CRTC1: variants seen among roughly 807,000 people sequenced by gnomAD.
CRTC1 encodes CREB regulated transcription coactivator 1, also known as CREB-regulated transcription coactivator 1.
Under a neutral mutation model 66.1 loss-of-function variants are expected in CRTC1, and 18 were observed. That is an observed-to-expected ratio of 0.27 (90% CI 0.19 to 0.40). CRTC1 has a LOEUF of 0.40. CRTC1 is among the 10% of genes least tolerant of loss of function. The pLI, the probability that CRTC1 is intolerant of heterozygous loss-of-function variation, is 1.00. For missense variants in CRTC1, 669 were observed against 887.9 expected (o/e 0.75, Z 3.13); for synonymous variants, 416 against 398.8 (o/e 1.04, Z -0.51).
At chr19:18,740,521 C>CAG (rs2054089044) in intron 1 of CRTC1, among the ~76,000 whole-genome samples, 1 of 152,182 alleles carries the variant, frequency 6.6e-6, no homozygotes, top group Admixed American at 6.5e-5. Flanking sequence ...CCTAAAACCA[C>CAG]AGTGTGAGCA....
chr19:18,717,177 T>C (rs1201204970), intron 1 of CRTC1, among the ~76,000 whole-genome samples: 5 of 151,986 alleles, frequency 3.3e-5, no homozygotes, highest in African/African-American at 1.2e-4. Context: ...AGACATGAGT[T>C]TGGGGAGCTT....
intron 1 of CRTC1, among the ~76,000 whole-genome samples, chr19:18,708,072 T>C (rs1295951815): frequency 6.6e-6 from 1 of 151,984 alleles, no homozygotes; most frequent in Non-Finnish European, 1.5e-5. Context: ...AGTGGGACAT[T>C]AGGGGTGAGG....
chr19:18,765,965 AAAAAG>A (rs990194246), intron 9 of CRTC1, among the ~76,000 whole-genome samples: 2 of 152,022 alleles, frequency 1.3e-5, no homozygotes, highest in Non-Finnish European at 1.5e-5. Context: ...TGTTTCAAAA[AAAAAG>A]AAAAAACTCA....
At position 18,779,076 on chromosome 19, in the gene CRTC1, G is replaced by C. The variant is rs1266741931; in HGVS notation, c.*1694G>C. The C allele has an allele frequency of 4.3e-6, 1 of 232,692 alleles. No individual in the cohort carries two copies. The highest frequency in any genetic ancestry group is 8.5e-6 in the Non-Finnish European group (1 of 117,702). The allele number at this position is 232,692 out of a possible 1,614,324, so 14.4% of individuals were successfully genotyped here. On this transcript the variant is annotated 3_prime_UTR_variant, in exon 14 of 14. Transcript: ENST00000321949. ...ATCAGGGCTGGCTTTGTTTTCTGCT[G>C]TTCTTGGAATAGGAACTGCTGTTCT... is the stretch of plus-strand genomic sequence containing the variant.
Position 18,760,020 on chromosome 19 carries a change from T to C in CRTC1, c.678T>C (p.Ser226=). The part of the protein sequence containing the change: ...CEVPGINIFP[S]ADQENTTALI... ...GGCCTTTTCCCAGCATCTTCCCGTC[T>C]GCCGACCAGGAAAACACTACAGCCC... The change falls in exon 8 of 14, where the codon TCT becomes TCC. Residue 226 remains serine, a synonymous_variant. Coordinates refer to ENST00000321949, the MANE Select transcript of CRTC1 (RefSeq NM_015321.3). The surrounding 1 kb of genome is among the most constrained non-coding windows in gnomAD (Gnocchi z 6.2). The C allele has an allele frequency of 6.3e-7, 1 of 1,587,338 alleles. No individual in the cohort carries two copies. Among genetic ancestry groups the C allele is most frequent in the Non-Finnish European group, 8.6e-7 (1 of 1,159,296 alleles).
In CRTC1 at chr19:18,711,066, A is replaced by G. The variant is rs141417510; in HGVS notation, c.126+27238A>G. Among the ~76,000 whole-genome samples, 727 of 152,268 alleles carry G rather than the reference A, an allele frequency of 4.8e-3. 8 individuals carry two copies. Among genetic ancestry groups the G allele is most frequent in the African/African-American group, 0.017 (689 of 41,556 alleles). On this transcript the variant is annotated intron_variant, in intron 1 of 13. Transcript: ENST00000321949. ...CTGTGGCCAGGGCTGCTAACAGTTA[A>G]CTGCTGGATGAGCTGCAGTAAATTT...
chr19:18,706,148 T>C (rs2053258117), intron 1 of CRTC1, among the ~76,000 whole-genome samples: 1 of 144,484 alleles, frequency 6.9e-6, no homozygotes, highest in Admixed American at 7.2e-5. Context: ...TATGTGACAG[T>C]TTATTTCTGG....
At chr19:18,693,074 CAAAAAAAAA>C (rs71168762) in intron 1 of CRTC1, among the ~76,000 whole-genome samples, 1 of 69,374 alleles carries the variant, frequency 1.4e-5, no homozygotes, top group Non-Finnish European at 2.6e-5. Context: ...GACTCCGTCT[CAAAAAAAAA>C]AAAAAAAAAA....
intron 1 of CRTC1, among the ~76,000 whole-genome samples, chr19:18,722,813 C>T (rs1173691748): frequency 1.3e-5 from 2 of 152,190 alleles, no homozygotes; most frequent in Non-Finnish European, 2.9e-5. Context: ...TAATCTGTCT[C>T]TGTGGCTTTG....
At chr19:18,752,571 G>T (rs1016712410) in intron 5 of CRTC1, among the ~76,000 whole-genome samples, 2 of 151,876 alleles carry the variant, frequency 1.3e-5, no homozygotes, top group African/African-American at 4.8e-5. Context: ...TGCCTGCCTC[G>T]GCCTCCCAAA....
chr19:18,779,317 G>A lies in CRTC1; in HGVS notation c.*1935G>A. 4.4e-6 allele frequency: 1 copy of A among 227,770 alleles called. No individual in the cohort carries two copies. The highest frequency in any genetic ancestry group is 8.7e-6 in the Non-Finnish European group (1 of 114,718). The allele number at this position is 227,770 out of a possible 1,614,324, so 14.1% of individuals were successfully genotyped here. ...TGGCATGTGTCTGAGCAGCCAAGTG[G>A]CCACTCATAGGAGAAGGCTCCCTGG... On this transcript the variant is annotated 3_prime_UTR_variant, in exon 14 of 14. Coordinates refer to ENST00000321949, the MANE Select transcript of CRTC1 (RefSeq NM_015321.3).
chr19:18,743,017 G>T lies in CRTC1; in HGVS notation c.234G>T (p.Leu78=), dbSNP rs772517937. 4.3e-6 allele frequency: 7 copies of T among 1,612,106 alleles called. No individual in the cohort carries two copies. The highest frequency in any genetic ancestry group is 5.9e-6 in the Non-Finnish European group (7 of 1,178,952). ...AGATCGGGAGTGGCACCATGGACCT[G>T]CCCTTCCAGGTGAGTGCCCCGCCCC... ...VNQIGSGTMD[L]PFQTPFQSSG... is the part of the protein sequence containing the mutation. Residue 78 remains leucine, a synonymous_variant, in exon 2 of 14, where the codon CTG becomes CTT. Transcript: ENST00000321949.
chr19:18,715,297 G>A (rs1451246614), intron 1 of CRTC1, among the ~76,000 whole-genome samples: 3 of 151,840 alleles, frequency 2.0e-5, no homozygotes, highest in African/African-American at 4.8e-5. Context: ...GTGCGATCTC[G>A]GCTCACTGCA....
At chr19:18,715,282 C>T (rs2053481726) in intron 1 of CRTC1, among the ~76,000 whole-genome samples, 1 of 152,148 alleles carries the variant, frequency 6.6e-6, no homozygotes, top group South Asian at 2.1e-4. Context: ...GGCTGGAGTG[C>T]AGTGGTGCGA....
chr19:18,759,956 G>GCCAGCCCCCTATCCCCGCCA, intron 7 of CRTC1, 52 bp from the exon 8 acceptor site: 1 of 1,221,322 alleles, frequency 8.2e-7, no homozygotes, highest in Non-Finnish European at 1.2e-6. Flanking sequence ...TGTCCCCGCC[G>GCCAGCCCCCTATCCCCGCCA]CCAGCCCCGC....
At chr19:18,702,789 C>T (rs1395019166) in intron 1 of CRTC1, among the ~76,000 whole-genome samples, 1 of 152,060 alleles carries the variant, frequency 6.6e-6, no homozygotes, top group Non-Finnish European at 1.5e-5. Context: ...CTGCCTCGGC[C>T]CCCCAAAGTG....
intron 1 of CRTC1, among the ~76,000 whole-genome samples, chr19:18,740,311 G>T (rs2054084489): frequency 6.6e-6 from 1 of 151,718 alleles, no homozygotes; most frequent in African/African-American, 2.4e-5. Context: ...GGAGAAACCA[G>T]GCCAGAACCT....
chr19:18,717,006 CAT>C (rs1158080887), intron 1 of CRTC1, among the ~76,000 whole-genome samples: 2 of 152,030 alleles, frequency 1.3e-5, no homozygotes, highest in South Asian at 4.1e-4. Flanking sequence ...GGAGTGTGAG[CAT>C]GTGTGTGTGC....
At position 18,741,717 on chromosome 19, in the gene CRTC1, AC is replaced by A. The variant is rs1200330468; in HGVS notation, c.127-1188del. On this transcript the variant is annotated intron_variant, in intron 1 of 13. Transcript: ENST00000321949. This position sits in a 1 kb window ranked among gnomAD's most constrained non-coding sequence, Gnocchi z 4.2. ...GCTCCCAGCACAGACCCTGGGCCTC[AC>A]CCCCAGGCCCTCGAGAGCCACCCAA... is the stretch of plus-strand genomic sequence containing the variant. 6.6e-6 allele frequency among the ~76,000 whole-genome samples: 1 copy of A among 151,914 alleles called. No homozygotes were observed. Among genetic ancestry groups the A allele is most frequent in the Non-Finnish European group, 1.5e-5 (1 of 67,960 alleles).
Sources: allele counts gnomAD v4.1 joint callset (sites outside exome capture counted in the v4.1 genomes callset), GRCh38; gene constraint gnomAD v4.1.1; non-coding constraint Gnocchi (gnomAD v3.1); transcripts MANE v1.5; gene names NCBI Gene and HGNC (gene_info 2026-07-23, HGNC 2026-07-21).